Variants in NEDD9 observed in about 807,000 individuals in gnomAD.
The protein encoded by NEDD9 is neural precursor cell expressed, developmentally down-regulated 9, also known as enhancer of filamentation 1.
NEDD9 carries 26 observed loss-of-function variants against 76.6 expected under a neutral mutation model. The ratio of observed to expected loss-of-function variants is 0.34; its 90% confidence interval spans 0.25 to 0.47. NEDD9 has a LOEUF of 0.47. NEDD9 is among the 20% of genes least tolerant of loss of function. The pLI is 1.00. For synonymous variants in NEDD9, 392 were observed against 414.2 expected (o/e 0.95, Z 0.65); for missense variants, 937 against 1,058.5 (o/e 0.89, Z 1.59).
At chr6:11,267,367 A>C (rs558844660) in intron 3 of NEDD9, among the ~76,000 whole-genome samples, 1 of 151,190 alleles carries the variant, frequency 6.6e-6, no homozygotes, top group Non-Finnish European at 1.5e-5. Flanking sequence ...AAGCTTTGAT[A>C]AGGTCAGATG....
At chr6:11,347,566 C>T (rs546195036) in intron 1 of NEDD9, among the ~76,000 whole-genome samples, 1 of 152,156 alleles carries the variant, frequency 6.6e-6, no homozygotes, top group African/African-American at 2.4e-5. Context: ...ACTAGCAAAC[C>T]TTTCCAGCAG....
At chr6:11,360,100 C>A (rs1291881165) in intron 1 of NEDD9, among the ~76,000 whole-genome samples, 1 of 152,180 alleles carries the variant, frequency 6.6e-6, no homozygotes, top group African/African-American at 2.4e-5. Context: ...AGATGACAGT[C>A]CTATTCAGCT....
intron 1 of NEDD9, among the ~76,000 whole-genome samples, chr6:11,348,515 T>C (rs768594121): frequency 1.3e-5 from 2 of 152,174 alleles, no homozygotes; most frequent in African/African-American, 2.4e-5. Context: ...GGTAACACAC[T>C]ACCCAACTTC....
chr6:11,303,091 T>C (rs60625159), intron 3 of NEDD9, among the ~76,000 whole-genome samples: 34,687 of 152,138 alleles, frequency 0.23, 4,691 homozygotes, highest in East Asian at 0.63. Context: ...TGCTTGCAGA[T>C]GACATGATTG....
At chr6:11,214,583 A>T (rs1758889906) in intron 1 of NEDD9, among the ~76,000 whole-genome samples, 1 of 152,244 alleles carries the variant, frequency 6.6e-6, no homozygotes, top group African/African-American at 2.4e-5. Context: ...CACATTCAGT[A>T]CTAAGCAGAC....
rs1035663490 is a variant in NEDD9 at position 11,196,040 on chromosome 6, C to T, written c.460-2348G>A. Among the ~76,000 whole-genome samples the T allele has an allele frequency of 2.6e-5, 4 of 152,110 alleles. No individual in the cohort carries two copies. In the East Asian group the frequency reaches 5.8e-4, roughly 22 times the overall value. ...AACAAACAGGCTGGGCGTGGTGGCTCACGCTTGTAATCCCAGCGCTTTGGG... is the reference window on the plus strand; with the variant it reads ...AACAAACAGGCTGGGCGTGGTGGCTTACGCTTGTAATCCCAGCGCTTTGGG... On this transcript the variant is annotated intron_variant, in intron 2 of 6. Transcript: ENST00000379446.
At chr6:11,265,629 C>A (rs1760187320) in intron 3 of NEDD9, among the ~76,000 whole-genome samples, 1 of 152,158 alleles carries the variant, frequency 6.6e-6, no homozygotes, top group African/African-American at 2.4e-5. Flanking sequence ...GGAGGCAATT[C>A]TTTTGGAAGG....
intron 3 of NEDD9, among the ~76,000 whole-genome samples, chr6:11,245,850 T>G (rs889810366): frequency 1.3e-5 from 2 of 152,202 alleles, no homozygotes; most frequent in Admixed American, 6.5e-5. Flanking sequence ...AAGCCCTCTT[T>G]ATGAGCTTGC....
chr6:11,370,881 G>C lies in NEDD9; in HGVS notation c.-214+11258C>G, dbSNP rs1163944096. Among the ~76,000 whole-genome samples the C allele has an allele frequency of 6.6e-6, 1 of 152,162 alleles. No individual in the cohort carries two copies. The highest frequency in any genetic ancestry group is 1.5e-5 in the Non-Finnish European group (1 of 68,024). ...TGGTGTTGAGGACAGGTGACAACGG[G>C]GAGGGTGACAGAGGTGACCCCGTGG... On this transcript the variant is annotated intron_variant, in intron 1 of 3. Coordinates refer to the NEDD9 transcript ENST00000397378. The surrounding 1 kb of genome is among the most constrained non-coding windows in gnomAD (Gnocchi z 4.2).
chr6:11,355,819 C>T (rs529958124), intron 1 of NEDD9, among the ~76,000 whole-genome samples: 4 of 152,202 alleles, frequency 2.6e-5, no homozygotes, highest in South Asian at 4.1e-4. Context: ...CTCCTGTGTT[C>T]ACACCATTCT....
chr6:11,315,275 G>A (rs1235268326), intron 2 of NEDD9, among the ~76,000 whole-genome samples: 1 of 152,184 alleles, frequency 6.6e-6, no homozygotes, highest in East Asian at 1.9e-4. Context: ...AGTTTATTTT[G>A]GTAGGTAACT....
intron 3 of NEDD9, among the ~76,000 whole-genome samples, chr6:11,239,846 C>G (rs1378765583): frequency 6.6e-6 from 1 of 151,952 alleles, no homozygotes; most frequent in East Asian, 1.9e-4. Flanking sequence ...GAGATTGAGA[C>G]CATCCTGGCC....
Position 11,185,366 on chromosome 6 carries a change from C to T in NEDD9, c.2301G>A (p.Val767=). 1.2e-6 allele frequency: 2 copies of T among 1,614,216 alleles called. No homozygotes were observed. The highest frequency in any genetic ancestry group is 1.7e-6 in the Non-Finnish European group (2 of 1,180,038). The stretch of plus-strand genomic sequence containing the variant: ...CTTTGTTGCGAATGTCCTGGGCAGT[C>T]ACCTGCCGTGTCAGCGTGTCTCCAA... ...VFIGDTLTRQ[V]TAQDIRNKVM... is the part of the protein sequence containing the mutation. Residue 767 remains valine (V), a synonymous_variant, in exon 7 of 7, where the codon GTG becomes GTA. Coordinates refer to ENST00000379446, the MANE Select transcript of NEDD9 (RefSeq NM_006403.4).
At chr6:11,341,573 G>A (rs946021122) in intron 1 of NEDD9, among the ~76,000 whole-genome samples, 3 of 152,204 alleles carry the variant, frequency 2.0e-5, no homozygotes, top group Non-Finnish European at 2.9e-5. Context: ...GTGTAAATAT[G>A]CGAACATTTA....
At chr6:11,318,122 G>A (rs938648008) in intron 2 of NEDD9, among the ~76,000 whole-genome samples, 10 of 152,086 alleles carry the variant, frequency 6.6e-5, no homozygotes, top group Non-Finnish European at 1.0e-4. Flanking sequence ...TATGTGATCC[G>A]CTCTCCTGGG....
intron 3 of NEDD9, among the ~76,000 whole-genome samples, chr6:11,269,789 T>G (rs1760266990): frequency 2.0e-5 from 3 of 152,078 alleles, no homozygotes; most frequent in Admixed American, 2.0e-4. Flanking sequence ...TCCTCTGAAT[T>G]AAACCTAGAG....
At position 11,190,026 on chromosome 6, in the gene NEDD9, A is replaced by G. The variant is rs767160727; in HGVS notation, c.1843T>C (p.Cys615Arg). Reference sequence around the variant, plus strand: ...CTCTCAGAACCATCACTGCTGCTACAGTCAGGGGCCTGCTCCTTGCTCAGG... The same window carrying G: ...CTCTCAGAACCATCACTGCTGCTACGGTCAGGGGCCTGCTCCTTGCTCAGG... ...PGLSKEQAPD[C>R]SSSDGSERSW... The change falls in exon 5 of 7, where the codon TGT becomes CGT. Residue 615 changes from cysteine to arginine, a missense_variant. By Grantham distance (180) the Cys-to-Arg change is radical. Transcript: ENST00000379446. This position sits in a 1 kb window ranked among gnomAD's most constrained non-coding sequence, Gnocchi z 5.8. The G allele has an allele frequency of 8.4e-6, 13 of 1,545,238 alleles. No individual in the cohort carries two copies. Among genetic ancestry groups the G allele is most frequent in the Non-Finnish European group, 1.0e-5 (12 of 1,147,536 alleles).
chr6:11,269,528 A>G lies in NEDD9; in HGVS notation c.12+36464T>C, dbSNP rs552516046. On this transcript the variant is annotated intron_variant, in intron 3 of 3. Transcript: ENST00000397378. ...AGAAAATGCATACACAAAATTGCAT[A>G]CAAACTTAAATACAGGTTTCCAATT... is the stretch of plus-strand genomic sequence containing the variant. Among the ~76,000 whole-genome samples, 3 of 152,356 alleles carry G rather than the reference A, an allele frequency of 2.0e-5. No individual in the cohort carries two copies. In the South Asian group the frequency reaches 6.2e-4, roughly 32 times the overall value.
intron 1 of NEDD9, chr6:11,214,161 A>G: frequency 1.9e-6 from 1 of 517,262 alleles, no homozygotes; most frequent in Non-Finnish European, 3.8e-6. Flanking sequence ...AAAAGAGTAA[A>G]AGAAAAATCC....
Sources: allele counts gnomAD v4.1 joint callset (sites outside exome capture counted in the v4.1 genomes callset), GRCh38; gene constraint gnomAD v4.1.1; non-coding constraint Gnocchi (gnomAD v3.1); transcripts MANE v1.5; gene names NCBI Gene and HGNC (gene_info 2026-07-23, HGNC 2026-07-21).